WDR47: variants seen among roughly 807,000 people sequenced by gnomAD.
The protein encoded by WDR47 is WD repeat domain 47.
WDR47 carries 32 observed loss-of-function variants against 97.2 expected under a neutral mutation model. The observed-to-expected ratio is 0.33, with a 90% CI of 0.25 to 0.44. The LOEUF is 0.44. Among genes scored for constraint, WDR47 ranks in the 20% least tolerant of loss-of-function variants. The pLI, the probability that WDR47 is intolerant of heterozygous loss-of-function variation, is 1.00. For synonymous variants in WDR47, 375 were observed against 373.5 expected (o/e 1.00, Z -0.05); for missense variants, 782 against 1,102.3 (o/e 0.71, Z 4.11).
rs1474876677 is a variant in WDR47 at position 108,982,626 on chromosome 1, G to A, written c.2249C>T (p.Ala750Val). 6.2e-7 allele frequency: 1 copy of A among 1,604,700 alleles called. No homozygotes were observed. Among genetic ancestry groups the A allele is most frequent in the Non-Finnish European group, 8.5e-7 (1 of 1,177,580 alleles). The change falls in exon 12 of 15, where the codon GCT becomes GTT. Residue 750 changes from alanine to valine, a missense_variant. Coordinates refer to ENST00000369962, the MANE Select transcript of WDR47 (RefSeq NM_001142551.2). ...TTACATACCAGTATGTCCACTCAAA[G>A]CATGGAGGCCCTGTCCTCTTTGACA... ...TDCQRGQGLHALSGHTGHILA... is the reference protein window; with the variant it reads ...TDCQRGQGLHVLSGHTGHILA...
At chr1:108,981,621 C>T in intron 13 of WDR47, 112 bp downstream of exon 13, 1 of 1,011,752 alleles carries the variant, frequency 9.9e-7, no homozygotes, top group Non-Finnish European at 1.4e-6. Flanking sequence ...AATAAAATAT[C>T]AAGTATTTAT....
intron 14 of WDR47, among the ~76,000 whole-genome samples, 153 bp from the exon 15 acceptor site, chr1:108,971,725 C>A (rs536912): frequency 0.78 from 118,088 of 152,180 alleles, 46,057 homozygotes; most frequent in Middle Eastern, 0.87. Context: ...TAAATTACTA[C>A]CTACCTAATT....
chr1:108,991,443 C>CA (rs1659342826), intron 8 of WDR47, 114 bp from the exon 9 acceptor site: 1 of 776,050 alleles, frequency 1.3e-6, no homozygotes, highest in African/African-American at 1.7e-5. Context: ...TAGCTGACTC[C>CA]AAAGTTACTC....
At chr1:108,999,114 C>G (rs1659971803) in intron 7 of WDR47, among the ~76,000 whole-genome samples, 1 of 151,912 alleles carries the variant, frequency 6.6e-6, no homozygotes, top group Non-Finnish European at 1.5e-5. Context: ...GTAATTCCAG[C>G]TACTTGGGAG....
chr1:109,036,051 G>A (rs1002424613), intron 1 of WDR47, among the ~76,000 whole-genome samples: 1 of 151,928 alleles, frequency 6.6e-6, no homozygotes, highest in African/African-American at 2.4e-5. Context: ...CATATTAAAG[G>A]ATTAGATCTC....
At chr1:109,008,156 T>A (rs1043332711) in intron 5 of WDR47, among the ~76,000 whole-genome samples, 11 of 152,056 alleles carry the variant, frequency 7.2e-5, no homozygotes, top group African/African-American at 2.7e-4. Context: ...CTCACTTAAC[T>A]GATTGAAGTT....
chr1:108,991,951 C>T (rs1249770118), intron 8 of WDR47, among the ~76,000 whole-genome samples: 1 of 152,100 alleles, frequency 6.6e-6, no homozygotes, highest in African/African-American at 2.4e-5. Flanking sequence ...GTGTGAGTCA[C>T]CACACCCAGC....
chr1:109,015,468 C>T (rs1021565047), intron 3 of WDR47, among the ~76,000 whole-genome samples: 90 of 151,624 alleles, frequency 5.9e-4, no homozygotes, highest in African/African-American at 2.0e-3. Context: ...GGATTACAGG[C>T]ATGTGCCACC....
chr1:108,984,806 A>G (rs969602124), intron 10 of WDR47, among the ~76,000 whole-genome samples: 1 of 152,202 alleles, frequency 6.6e-6, no homozygotes, highest in Admixed American at 6.5e-5. Context: ...TGAACCCAGG[A>G]GGTGGAGGTT....
At chr1:108,979,699 T>G (rs371202238) in intron 13 of WDR47, among the ~76,000 whole-genome samples, 2 of 152,184 alleles carry the variant, frequency 1.3e-5, no homozygotes, top group South Asian at 4.1e-4. Flanking sequence ...TACGAATATT[T>G]CCCTTATTCA....
intron 3 of WDR47, among the ~76,000 whole-genome samples, chr1:109,014,383 G>T (rs1208963028): frequency 6.6e-6 from 1 of 151,560 alleles, no homozygotes; most frequent in Non-Finnish European, 1.5e-5. Flanking sequence ...AGGAGAAAAT[G>T]AACATTTCTA....
chr1:108,991,473 A>C (rs931374635), intron 8 of WDR47, 144 bp from the exon 9 acceptor site: 7 of 613,520 alleles, frequency 1.1e-5, no homozygotes, highest in Non-Finnish European at 1.9e-5. Context: ...ATTTATTAAA[A>C]TAAGCTCTGG....
At chr1:109,030,354 T>C (rs1459806054) in intron 1 of WDR47, 6 of 582,842 alleles carry the variant, frequency 1.0e-5, no homozygotes, top group Non-Finnish European at 1.7e-5. Context: ...GGAAACCATC[T>C]CAATAAGCAC....
At chr1:109,022,636 G>T (rs1294347913) in intron 2 of WDR47, among the ~76,000 whole-genome samples, 1 of 152,132 alleles carries the variant, frequency 6.6e-6, no homozygotes, top group East Asian at 1.9e-4. Context: ...CCAGGCTGGA[G>T]TGCAACGGTG....
chr1:108,991,171 G>A (rs1659319376), intron 9 of WDR47, 83 bp downstream of exon 9: 5 of 1,355,748 alleles, frequency 3.7e-6, no homozygotes, highest in South Asian at 1.2e-5. Flanking sequence ...GACTAAAATG[G>A]TTCTTTCTTT....
chr1:109,011,299 C>G lies in WDR47; in HGVS notation c.747G>C (p.Gln249His), dbSNP rs969247332. Reference sequence around the variant, plus strand: ...AAGAGAAGACAGAAGATGGAAGATTCTGAAGCCATGACAGTAAACTCAGAT... The same window carrying G: ...AAGAGAAGACAGAAGATGGAAGATTGTGAAGCCATGACAGTAAACTCAGAT... Reference protein sequence around the residue: ...DLDLSLLSWLQNLPSSVFSCA... With the variant: ...DLDLSLLSWLHNLPSSVFSCA... Residue 249 changes from glutamine (Q) to histidine (H), a missense_variant, in exon 5 of 15, where the codon CAG becomes CAC. This residue lies in a region of WDR47 where 428 missense variants were observed against 584.3 expected (regional missense o/e 0.73). Transcript: ENST00000369962. 1.2e-6 allele frequency: 2 copies of G among 1,614,058 alleles called. No homozygotes were observed. The highest frequency in any genetic ancestry group is 1.7e-6 in the Non-Finnish European group (2 of 1,180,040).
At chr1:109,006,905 G>A (rs1305815267) in intron 5 of WDR47, among the ~76,000 whole-genome samples, 5 of 151,692 alleles carry the variant, frequency 3.3e-5, no homozygotes, top group African/African-American at 1.2e-4. Context: ...CAATCATATT[G>A]TAGCATGGTG....
chr1:109,012,899 T>C (rs902281310), intron 4 of WDR47, among the ~76,000 whole-genome samples: 1 of 152,196 alleles, frequency 6.6e-6, no homozygotes, highest in African/African-American at 2.4e-5. Flanking sequence ...CTGGCAAATA[T>C]ATCTGTATCT....
intron 5 of WDR47, among the ~76,000 whole-genome samples, chr1:109,010,216 A>G (rs1283207620): frequency 1.3e-5 from 2 of 152,176 alleles, no homozygotes; most frequent in Admixed American, 1.3e-4. Context: ...AACCTTTACT[A>G]AAGTATTAAC....
Sources: allele counts gnomAD v4.1 joint callset (sites outside exome capture counted in the v4.1 genomes callset), GRCh38; gene constraint gnomAD v4.1.1; regional missense constraint gnomAD v4.1.1; transcripts MANE v1.5; gene names NCBI Gene and HGNC (gene_info 2026-07-23, HGNC 2026-07-21).